BTBD10: variants seen among roughly 807,000 people sequenced by gnomAD.
BTBD10 encodes the protein BTB/POZ domain-containing protein 10.
In BTBD10, 21 loss-of-function variants were observed where a neutral mutation model predicts 53.2. The observed-to-expected ratio is 0.39, with a 90% CI of 0.28 to 0.57. The LOEUF (loss-of-function observed/expected upper bound fraction) is 0.57, where lower values mean the gene tolerates loss of function less well. BTBD10 is among the 20% of genes least tolerant of loss of function. The probability of loss-of-function intolerance (pLI) is 0.53; values close to 1 mark genes in which losing one functional copy is unlikely to be tolerated. For missense variants in BTBD10, 360 were observed against 594.7 expected (o/e 0.61, Z 4.10); for synonymous variants, 149 against 192.7 (o/e 0.77, Z 1.88).
At chr11:13,439,960 C>A in intron 2 of BTBD10, 1 of 1,534,890 alleles carries the variant, frequency 6.5e-7, no homozygotes, top group South Asian at 1.2e-5. Flanking sequence ...AGGGACTCTG[C>A]TCTTTCAAAC....
chr11:13,453,277 C>CA (rs956695382), intron 1 of BTBD10, among the ~76,000 whole-genome samples: 1 of 151,294 alleles, frequency 6.6e-6, no homozygotes. Flanking sequence ...AAAACAAAAA[C>CA]AAAAAAACAG....
intron 1 of BTBD10, among the ~76,000 whole-genome samples, chr11:13,452,165 CATGA>C (rs1950873734): frequency 6.6e-6 from 1 of 152,122 alleles, no homozygotes; most frequent in Non-Finnish European, 1.5e-5. Flanking sequence ...ACACACAAAA[CATGA>C]ATGAATCTTA....
intron 2 of BTBD10, among the ~76,000 whole-genome samples, chr11:13,422,884 A>G (rs1392723950): frequency 6.6e-6 from 1 of 152,216 alleles, no homozygotes; most frequent in Non-Finnish European, 1.5e-5. Flanking sequence ...GCCAACAGAA[A>G]GAAGCTTCCT....
chr11:13,460,076 T>C (rs1228580471), intron 1 of BTBD10, among the ~76,000 whole-genome samples: 6 of 152,202 alleles, frequency 3.9e-5, no homozygotes, highest in African/African-American at 1.4e-4. Context: ...TCTTCTTTCA[T>C]TTCCTATTTC....
intron 8 of BTBD10, among the ~76,000 whole-genome samples, chr11:13,390,528 G>C (rs978439817): frequency 6.6e-6 from 1 of 152,082 alleles, no homozygotes; most frequent in African/African-American, 2.4e-5. Context: ...ATTGTTGGTA[G>C]AGATGGGGTT....
At chr11:13,432,086 T>A (rs1034580565) in intron 2 of BTBD10, among the ~76,000 whole-genome samples, 1 of 152,036 alleles carries the variant, frequency 6.6e-6, no homozygotes, top group Non-Finnish European at 1.5e-5. Context: ...AGCATTTCGC[T>A]GAATGAAAAA....
intron 8 of BTBD10, among the ~76,000 whole-genome samples, chr11:13,390,470 A>G (rs1188628824): frequency 6.6e-6 from 1 of 151,790 alleles, no homozygotes; most frequent in African/African-American, 2.4e-5. Context: ...CAGCCTCTCG[A>G]GTAGCTGGGA....
intron 2 of BTBD10, among the ~76,000 whole-genome samples, chr11:13,427,342 T>C (rs981182536): frequency 1.4e-4 from 21 of 152,212 alleles, no homozygotes; most frequent in African/African-American, 4.3e-4. Flanking sequence ...AGAGTGGCTA[T>C]ATTAATATCA....
intron 3 of BTBD10, 78 bp downstream of exon 3, chr11:13,421,564 A>C: frequency 2.3e-6 from 3 of 1,310,880 alleles, no homozygotes; most frequent in Non-Finnish European, 2.1e-6. Context: ...ATTAGGCACA[A>C]TTCAATGTCA....
At chr11:13,403,644 A>C (rs141827839) in intron 7 of BTBD10, among the ~76,000 whole-genome samples, 222 of 152,316 alleles carry the variant, frequency 1.5e-3, no homozygotes, top group African/African-American at 5.1e-3. Flanking sequence ...AAAGTAAAGG[A>C]CTTTGCTAAG....
intron 8 of BTBD10, among the ~76,000 whole-genome samples, chr11:13,391,738 G>C (rs1299978610): frequency 6.6e-6 from 1 of 152,234 alleles, no homozygotes. Flanking sequence ...GAGGTCAAGA[G>C]ATCGAGTCCA....
Position 13,398,586 on chromosome 11 carries a change from T to C in BTBD10, c.1117+4582A>G, listed in dbSNP as rs558911424. The stretch of plus-strand genomic sequence containing the variant: ...ATGTGTGAATTTGATCCTGTCATTA[T>C]GATGTTAGCTGGTTATTTTGTTCAT... On this transcript the variant is annotated intron_variant, in intron 8 of 8. Coordinates refer to ENST00000278174, the MANE Select transcript of BTBD10 (RefSeq NM_032320.7). Among the ~76,000 whole-genome samples, 4 of 152,352 alleles carry C rather than the reference T, an allele frequency of 2.6e-5. No individual in the cohort carries two copies. In the South Asian group the frequency reaches 8.3e-4, roughly 32 times the overall value.
intron 2 of BTBD10, among the ~76,000 whole-genome samples, chr11:13,433,324 G>T: frequency 6.6e-6 from 1 of 152,132 alleles, no homozygotes; most frequent in Admixed American, 6.5e-5. Context: ...ATTTCAGAAG[G>T]TGTCCTGTCC....
intron 1 of BTBD10, among the ~76,000 whole-genome samples, chr11:13,448,359 G>A (rs1321532698): frequency 6.6e-6 from 1 of 152,114 alleles, no homozygotes; most frequent in Non-Finnish European, 1.5e-5. Flanking sequence ...GTTTGAGAGA[G>A]ACAGCAAACA....
chr11:13,447,423 T>A (rs1345152949), intron 1 of BTBD10, among the ~76,000 whole-genome samples: 1 of 152,196 alleles, frequency 6.6e-6, no homozygotes, highest in Non-Finnish European at 1.5e-5. Context: ...TGAAGAGCAT[T>A]TTATCTCTTC....
chr11:13,400,736 C>A (rs1949697865), intron 8 of BTBD10, among the ~76,000 whole-genome samples: 2 of 152,302 alleles, frequency 1.3e-5, no homozygotes, highest in South Asian at 4.1e-4. Context: ...CGGACTAATA[C>A]ACGGACTAAG....
At chr11:13,440,062 A>AAC in intron 2 of BTBD10, 1 of 1,529,312 alleles carries the variant, frequency 6.5e-7, no homozygotes, top group Middle Eastern at 1.7e-4. Context: ...GATTCCTCTG[A>AAC]ACAATCAGAA....
intron 2 of BTBD10, among the ~76,000 whole-genome samples, chr11:13,426,113 A>C (rs993473177): frequency 6.6e-6 from 1 of 152,142 alleles, no homozygotes; most frequent in Admixed American, 6.5e-5. Flanking sequence ...TAATATCTGA[A>C]CTTTCTCCAA....
chr11:13,427,672 T>C (rs971188155), intron 2 of BTBD10, among the ~76,000 whole-genome samples: 1 of 152,212 alleles, frequency 6.6e-6, no homozygotes, highest in African/African-American at 2.4e-5. Context: ...AGAAAACTCA[T>C]GCTTTTCATG....
Sources: gnomAD v4.1 joint callset for allele counts (sites outside exome capture counted in the v4.1 genomes callset) on GRCh38, gnomAD v4.1.1 for gene constraint, MANE v1.5 for transcripts, NCBI Gene and HGNC (gene_info 2026-07-23, HGNC 2026-07-21) for gene names.